The following PRKX variants were observed in gnomAD, a reference collection of about 807,000 sequenced individuals.
PRKX encodes cAMP-dependent protein kinase catalytic subunit PRKX.
Under a neutral mutation model 22.0 loss-of-function variants are expected in PRKX, and 12 were observed. That is an observed-to-expected ratio of 0.54 (90% CI 0.35 to 0.88). The LOEUF is 0.88. PRKX is among the 40% of genes least tolerant of loss of function. The pLI, the probability that PRKX is intolerant of heterozygous loss-of-function variation, is 0.01. For missense variants in PRKX, 217 were observed against 308.0 expected (o/e 0.70, Z 2.21); for synonymous variants, 134 against 137.7 (o/e 0.97, Z 0.19).
In PRKX at chrX:3,621,323, T is replaced by G; in HGVS notation, c.816-7A>C. 8.4e-7 allele frequency: 1 copy of G among 1,195,273 alleles called. No homozygotes were observed. Among genetic ancestry groups the G allele is most frequent in the East Asian group, 3.0e-5 (1 of 33,653 alleles). On this transcript the variant is annotated splice_region_variant and splice_polypyrimidine_tract_variant and intron_variant, in intron 5 of 8. Transcript: ENST00000262848. Reference sequence around the variant, plus strand: ...CAGTTTCTTAATGAGGTCTCTATGTTGGGGAAGGAGACAAAAAAAAAAAAA... The same window carrying G: ...CAGTTTCTTAATGAGGTCTCTATGTGGGGGAAGGAGACAAAAAAAAAAAAA...
chrX:3,695,412 T>C (rs1198319651), intron 1 of PRKX, among the ~76,000 whole-genome samples: 1 of 111,582 alleles, frequency 9.0e-6, no homozygotes, highest in Non-Finnish European at 1.9e-5. Context: ...TGTTTTGTTT[T>C]GCTTTTGTTT....
intron 1 of PRKX, among the ~76,000 whole-genome samples, chrX:3,687,434 C>G (rs1181050036): frequency 8.9e-6 from 1 of 111,843 alleles, no homozygotes; most frequent in Non-Finnish European, 1.9e-5. Flanking sequence ...ACTTGGATAA[C>G]AAAAATCACT....
chrX:3,629,993 T>C (rs1926737117), intron 4 of PRKX, among the ~76,000 whole-genome samples: 1 of 112,073 alleles, frequency 8.9e-6, no homozygotes, highest in Admixed American at 9.5e-5. Flanking sequence ...CAGAAATACA[T>C]GCAAATACAG....
chrX:3,631,313 G>A (rs775218906), intron 4 of PRKX, among the ~76,000 whole-genome samples: 1 of 112,506 alleles, frequency 8.9e-6, no homozygotes, highest in South Asian at 3.7e-4. Flanking sequence ...GATCATCCTG[G>A]AACAGGGTAG....
intron 1 of PRKX, among the ~76,000 whole-genome samples, chrX:3,697,584 C>A (rs764228741): frequency 5.5e-5 from 6 of 108,557 alleles, no homozygotes; most frequent in Admixed American, 1.0e-4. Context: ...CTCACTCTGT[C>A]ACCCAGGCTG....
In PRKX at chrX:3,634,811, T is replaced by TCC. The variant is rs1217403857; in HGVS notation, c.719+7039_719+7040dup. 1.1e-4 allele frequency among the ~76,000 whole-genome samples: 12 copies of TCC among 111,709 alleles called. No homozygotes were observed. The South Asian group carries it at 1.1e-3, about 11-fold the overall frequency. On this transcript the variant is annotated intron_variant, in intron 4 of 8. Coordinates refer to ENST00000262848, the MANE Select transcript of PRKX (RefSeq NM_005044.5). ...CCTCAGTGATCCTCCCACCTCAGCCTCCCAAAGTACTGGGACCCTGGGCGT... is the reference window on the plus strand; with the variant it reads ...CCTCAGTGATCCTCCCACCTCAGCCTCCCCCAAAGTACTGGGACCCTGGGCGT...
At chrX:3,639,077 G>A (rs984091981) in intron 4 of PRKX, among the ~76,000 whole-genome samples, 1 of 30,274 alleles carries the variant, frequency 3.3e-5, no homozygotes, top group African/African-American at 1.8e-4. Flanking sequence ...AAAATAGGTA[G>A]ACCATAGAGA....
intron 4 of PRKX, among the ~76,000 whole-genome samples, chrX:3,629,485 T>G (rs1200983416): frequency 9.2e-6 from 1 of 108,340 alleles, no homozygotes; most frequent in African/African-American, 3.4e-5. Flanking sequence ...CTCAAACGCT[T>G]GGGCTCAAGT....
intron 3 of PRKX, among the ~76,000 whole-genome samples, chrX:3,652,785 A>C (rs1927363928): frequency 9.0e-6 from 1 of 110,735 alleles, no homozygotes; most frequent in African/African-American, 3.3e-5. Flanking sequence ...TTAAGGTAAA[A>C]CGAGGTCACT....
At chrX:3,655,819 CAG>C (rs1282342187) in intron 2 of PRKX, among the ~76,000 whole-genome samples, 43 of 111,910 alleles carry the variant, frequency 3.8e-4, no homozygotes, top group African/African-American at 1.3e-3. Flanking sequence ...TGGTTGCAGA[CAG>C]ATATTACAAT....
intron 1 of PRKX, among the ~76,000 whole-genome samples, chrX:3,690,925 G>C (rs766201090): frequency 8.9e-6 from 1 of 112,061 alleles, no homozygotes; most frequent in Admixed American, 9.5e-5. Context: ...AGAAAAACAA[G>C]GGCTGGTTTT....
At chrX:3,644,284 C>T (rs1468827694) in intron 3 of PRKX, among the ~76,000 whole-genome samples, 1 of 99,752 alleles carries the variant, frequency 1.0e-5, no homozygotes, top group African/African-American at 3.7e-5. Flanking sequence ...CACTTGTAGT[C>T]TCAGCTAGTC....
intron 6 of PRKX, among the ~76,000 whole-genome samples, chrX:3,618,521 G>A (rs1458912963): frequency 2.7e-5 from 3 of 111,261 alleles, no homozygotes; most frequent in South Asian, 7.6e-4. Flanking sequence ...GTGAGGTAAG[G>A]CATATGTTAA....
chrX:3,645,251 A>C, intron 3 of PRKX, among the ~76,000 whole-genome samples: 1 of 110,848 alleles, frequency 9.0e-6, no homozygotes. Context: ...CACTGTTCTT[A>C]GTTTCACTAT....
intron 1 of PRKX, among the ~76,000 whole-genome samples, chrX:3,704,335 C>A (rs1170407036): frequency 8.9e-6 from 1 of 112,104 alleles, no homozygotes; most frequent in Non-Finnish European, 1.9e-5. Flanking sequence ...TCTTGCTCCT[C>A]CAGTAGGATA....
intron 3 of PRKX, 80 bp from the exon 4 acceptor site, chrX:3,642,051 T>A: frequency 1.3e-6 from 1 of 784,174 alleles, no homozygotes; most frequent in Non-Finnish European, 1.9e-6. Flanking sequence ...CTCTGATTGT[T>A]ACAATAACTT....
chrX:3,675,041 T>G (rs147298261), intron 1 of PRKX, among the ~76,000 whole-genome samples: 1,283 of 111,523 alleles, frequency 0.012, 15 homozygotes, highest in African/African-American at 0.039. Context: ...GTTCCTCAAT[T>G]TGGGGACAAA....
chrX:3,640,408 G>GT (rs756639095), intron 4 of PRKX, among the ~76,000 whole-genome samples: 25 of 111,983 alleles, frequency 2.2e-4, no homozygotes, highest in Non-Finnish European at 4.1e-4. Context: ...CCACGCTACT[G>GT]TGTCATCTTA....
intron 4 of PRKX, among the ~76,000 whole-genome samples, chrX:3,630,515 A>C (rs7885036): frequency 9.0e-6 from 1 of 111,329 alleles, no homozygotes; most frequent in African/African-American, 3.3e-5. Flanking sequence ...AGCCGAGATC[A>C]CGCCACTGCA....
Sources: gnomAD v4.1 joint callset for allele counts (sites outside exome capture counted in the v4.1 genomes callset) on GRCh38, gnomAD v4.1.1 for gene constraint, MANE v1.5 for transcripts, NCBI Gene and HGNC (gene_info 2026-07-23, HGNC 2026-07-21) for gene names.